PPARGC1A: variants seen among roughly 807,000 people sequenced by gnomAD.
The protein encoded by PPARGC1A is peroxisome proliferator-activated receptor gamma coactivator 1-alpha.
A neutral mutation model predicts 88.7 loss-of-function variants in PPARGC1A; 25 were observed. The ratio of observed to expected loss-of-function variants is 0.28; its 90% confidence interval spans 0.21 to 0.39. The LOEUF is 0.39. Ranked by LOEUF, PPARGC1A falls within the 10% of genes least tolerant of loss-of-function variation. The pLI, the probability that PPARGC1A is intolerant of heterozygous loss-of-function variation, is 1.00. For missense variants in PPARGC1A, 880 were observed against 968.7 expected (o/e 0.91, Z 1.22); for synonymous variants, 363 against 355.6 (o/e 1.02, Z -0.24).
the PPARGC1A span, among the ~76,000 whole-genome samples, chr4:23,953,206 T>C: frequency 1.3e-5 from 2 of 152,112 alleles, no homozygotes; most frequent in South Asian, 2.1e-4. Flanking sequence ...TATGTACTCA[T>C]TAAATGTGTA....
chr4:23,956,041 T>C, the PPARGC1A span, among the ~76,000 whole-genome samples: 2 of 152,156 alleles, frequency 1.3e-5, no homozygotes, highest in Admixed American at 1.3e-4. Context: ...AAACTATTTA[T>C]GGACACCGAA....
chr4:23,809,062 T>A (rs1720396244), intron 10 of PPARGC1A, among the ~76,000 whole-genome samples: 1 of 152,190 alleles, frequency 6.6e-6, no homozygotes, highest in Non-Finnish European at 1.5e-5. Flanking sequence ...AAATGTAATT[T>A]GCTTCTTACT....
At chr4:24,212,807 T>C in the PPARGC1A span, among the ~76,000 whole-genome samples, 1 of 152,218 alleles carries the variant, frequency 6.6e-6, no homozygotes, top group Non-Finnish European at 1.5e-5. Context: ...CGTATCCTCC[T>C]AGCCCATTCT....
chr4:24,322,324 T>A, the PPARGC1A span, among the ~76,000 whole-genome samples: 1 of 152,228 alleles, frequency 6.6e-6, no homozygotes. Flanking sequence ...GGGTGAGAAA[T>A]GCATTTTGAA....
upstream of PPARGC1A, among the ~76,000 whole-genome samples, chr4:23,899,631 G>A (rs1271188466): frequency 6.6e-6 from 1 of 152,150 alleles, no homozygotes; most frequent in African/African-American, 2.4e-5. Context: ...ATAAATCCCA[G>A]AAATGTAATG....
At chr4:24,109,160 A>AT in the PPARGC1A span, among the ~76,000 whole-genome samples, 1 of 151,834 alleles carries the variant, frequency 6.6e-6, no homozygotes, top group Non-Finnish European at 1.5e-5. Flanking sequence ...ATTGAAACTT[A>AT]TTGGTAATAA....
At chr4:23,907,780 C>T (rs1311272677), upstream of PPARGC1A, among the ~76,000 whole-genome samples, 1 of 152,154 alleles carries the variant, frequency 6.6e-6, no homozygotes, top group Non-Finnish European at 1.5e-5. Context: ...CTAACCTTTC[C>T]TCTTCTTCCT....
the PPARGC1A span, among the ~76,000 whole-genome samples, chr4:24,137,535 G>C: frequency 6.6e-6 from 1 of 152,136 alleles, no homozygotes; most frequent in Non-Finnish European, 1.5e-5. Flanking sequence ...TGCATAAAGA[G>C]AAACAGATCC....
upstream of PPARGC1A, among the ~76,000 whole-genome samples, chr4:23,893,076 C>A (rs1718086059): frequency 6.6e-6 from 1 of 152,110 alleles, no homozygotes; most frequent in Admixed American, 6.6e-5. Flanking sequence ...ACAAAGCCTA[C>A]ATTCCATCCT....
chr4:24,035,277 C>T, the PPARGC1A span, among the ~76,000 whole-genome samples: 6 of 152,082 alleles, frequency 3.9e-5, no homozygotes, highest in East Asian at 9.6e-4. Flanking sequence ...TGGTGGCACA[C>T]GTCTGTAATC....
At chr4:24,356,888 A>G in the PPARGC1A span, among the ~76,000 whole-genome samples, 3 of 152,150 alleles carry the variant, frequency 2.0e-5, no homozygotes, top group Non-Finnish European at 2.9e-5. Flanking sequence ...TGCTCACCCA[A>G]TTCCCCTCCA....
chr4:24,395,379 C>T, the PPARGC1A span, among the ~76,000 whole-genome samples: 3 of 152,210 alleles, frequency 2.0e-5, 1 homozygote, highest in East Asian at 5.8e-4. Flanking sequence ...ATCATCATCA[C>T]ATCAGTGGAT....
chr4:23,826,139 A>C (rs933220741), intron 5 of PPARGC1A, among the ~76,000 whole-genome samples: 1 of 152,108 alleles, frequency 6.6e-6, no homozygotes, highest in Non-Finnish European at 1.5e-5. Flanking sequence ...AAGTCAATGA[A>C]AGGAGAGGAG....
intron 2 of PPARGC1A, among the ~76,000 whole-genome samples, chr4:23,853,721 T>C (rs1360395741): frequency 6.6e-6 from 1 of 152,224 alleles, no homozygotes; most frequent in Non-Finnish European, 1.5e-5. Flanking sequence ...GATAGGATTA[T>C]GAGACATTTA....
At chr4:23,957,050 C>T in the PPARGC1A span, among the ~76,000 whole-genome samples, 2 of 152,172 alleles carry the variant, frequency 1.3e-5, no homozygotes, top group African/African-American at 4.8e-5. Flanking sequence ...ACAGCAAAGC[C>T]CACATTCTAA....
chr4:24,313,712 C>A, the PPARGC1A span, among the ~76,000 whole-genome samples: 6 of 152,000 alleles, frequency 3.9e-5, no homozygotes, highest in African/African-American at 1.5e-4. Flanking sequence ...TAAACTGGAG[C>A]CACCAGCTTT....
At chr4:23,843,993 A>G (rs900621793) in intron 2 of PPARGC1A, among the ~76,000 whole-genome samples, 3 of 151,742 alleles carry the variant, frequency 2.0e-5, no homozygotes, top group African/African-American at 7.3e-5. Flanking sequence ...AAACATGCAT[A>G]TTTATGTGCG....
chr4:23,923,656 T>C, the PPARGC1A span, among the ~76,000 whole-genome samples: 13 of 152,328 alleles, frequency 8.5e-5, no homozygotes, highest in South Asian at 1.2e-3. Context: ...TGTACCCTGA[T>C]ATGCATATAT....
the PPARGC1A span, among the ~76,000 whole-genome samples, chr4:24,182,684 G>A: frequency 2.0e-5 from 3 of 151,968 alleles, no homozygotes; most frequent in Non-Finnish European, 1.5e-5. Flanking sequence ...TTTGATAATC[G>A]CCATTCTAAC....
Sources: allele counts gnomAD v4.1 joint callset (sites outside exome capture counted in the v4.1 genomes callset), GRCh38; gene constraint gnomAD v4.1.1; transcripts MANE v1.5; gene names NCBI Gene and HGNC (gene_info 2026-07-23, HGNC 2026-07-21).